The following PCDHA2 variants were observed in gnomAD, a reference collection of about 807,000 sequenced individuals.
PCDHA2 encodes the protein protocadherin alpha-2.
PCDHA2 carries 58 observed loss-of-function variants against 66.0 expected under a neutral mutation model. The observed-to-expected ratio is 0.88, with a 90% CI of 0.71 to 1.09. The LOEUF is 1.09. Ranked by LOEUF, PCDHA2 falls within the 50% of genes least tolerant of loss-of-function variation. PCDHA2 has a pLI of 0.00. For missense variants in PCDHA2, 1,267 were observed against 1,242.3 expected, an observed-to-expected ratio of 1.02 and a Z score of -0.30; for synonymous variants, 634 against 554.0, an observed-to-expected ratio of 1.14 and a Z score of -2.03.
chr5:140,858,033 C>T (rs1249815194), intron 1 of PCDHA2: 2 of 1,597,066 alleles, frequency 1.3e-6, no homozygotes, highest in Non-Finnish European at 1.7e-6. Context: ...ACGGCCACGG[C>T]CACTGTGCTT....
intron 1 of PCDHA2, chr5:140,836,467 A>C (rs1271601760): frequency 6.2e-7 from 1 of 1,613,688 alleles, no homozygotes; most frequent in Non-Finnish European, 8.5e-7. Context: ...GAGCTGGTGG[A>C]TGTCAACGTG....
At chr5:140,823,380 C>A (rs2150125210) in intron 1 of PCDHA2, 14 of 1,612,688 alleles carry the variant, frequency 8.7e-6, no homozygotes, top group South Asian at 5.5e-5. Context: ...TCCAGGTGAG[C>A]GCGCGCGACG....
intron 1 of PCDHA2, chr5:140,882,074 G>C (rs1276421996): frequency 1.1e-6 from 1 of 886,834 alleles, no homozygotes. Context: ...CATGCGCATG[G>C]TGTCGCTCTT....
intron 1 of PCDHA2, chr5:140,884,803 C>A: frequency 1.6e-6 from 2 of 1,225,132 alleles, no homozygotes; most frequent in Non-Finnish European, 2.2e-6. Context: ...AATTTAACAA[C>A]TCTGCTGTGG....
At chr5:140,834,079 C>T (rs1300614234) in intron 1 of PCDHA2, among the ~76,000 whole-genome samples, 1 of 152,142 alleles carries the variant, frequency 6.6e-6, no homozygotes, top group African/African-American at 2.4e-5. Context: ...GCTATTTTAA[C>T]CTTTAACAAC....
At chr5:140,849,684 C>T (rs2150445118) in intron 1 of PCDHA2, 9 of 1,598,608 alleles carry the variant, frequency 5.6e-6, no homozygotes, top group African/African-American at 2.7e-5. Context: ...CCCCTTCAAG[C>T]TGGTGTCCAC....
chr5:140,986,625 C>T (rs1312536887), intron 3 of PCDHA2, among the ~76,000 whole-genome samples: 2 of 152,122 alleles, frequency 1.3e-5, no homozygotes, highest in African/African-American at 4.8e-5. Flanking sequence ...TTACCTAAGG[C>T]AACAGTACAT....
chr5:140,829,809 C>T lies in PCDHA2; in HGVS notation c.2388+32457C>T, dbSNP rs139323547. The stretch of plus-strand genomic sequence containing the variant: ...CTGCTGGCGCCTCGGGTGGGTGGTA[C>T]TGGTGGTGCAGTGAGCGAGCTGGTG... On this transcript the variant is annotated intron_variant, in intron 1 of 3. Coordinates refer to ENST00000526136, the MANE Select transcript of PCDHA2 (RefSeq NM_018905.3). The T allele has an allele frequency of 1.0e-3, 1,632 of 1,613,854 alleles. 19 individuals are homozygous for T. The African/African-American group carries it at 0.019, about 19-fold the overall frequency.
At chr5:140,876,970 G>A in intron 1 of PCDHA2, 4 of 1,612,850 alleles carry the variant, frequency 2.5e-6, no homozygotes, top group Non-Finnish European at 3.4e-6. Flanking sequence ...GCGGCGGGTG[G>A]GCGAGCACGC....
chr5:140,961,793 A>G (rs1554225592), intron 1 of PCDHA2, among the ~76,000 whole-genome samples: 2 of 152,166 alleles, frequency 1.3e-5, no homozygotes, highest in Admixed American at 1.3e-4. Flanking sequence ...TTTTTAAAAG[A>G]TAGGAAATTG....
intron 1 of PCDHA2, chr5:140,816,711 T>C (rs2126674379): frequency 6.6e-6 from 1 of 152,182 alleles, no homozygotes; most frequent in African/African-American, 2.4e-5. Context: ...GGCTAGAGAT[T>C]CTAGGGACCT....
intron 1 of PCDHA2, chr5:140,807,164 A>C (rs1554123761): frequency 3.8e-6 from 6 of 1,595,068 alleles, no homozygotes. Flanking sequence ...ATATTTAATC[A>C]GAACAAAATA....
At chr5:140,819,237 C>G (rs1431831508) in intron 1 of PCDHA2, among the ~76,000 whole-genome samples, 3 of 152,128 alleles carry the variant, frequency 2.0e-5, no homozygotes, top group African/African-American at 7.2e-5. Context: ...ATTTCCTCTT[C>G]TCTGCAATCT....
At chr5:140,996,173 A>G (rs2097715399) in intron 3 of PCDHA2, among the ~76,000 whole-genome samples, 1 of 152,236 alleles carries the variant, frequency 6.6e-6, no homozygotes, top group Non-Finnish European at 1.5e-5. Flanking sequence ...ATGTGCTGAC[A>G]GCACCTCCAT....
chr5:140,911,941 T>C (rs1554195035), intron 1 of PCDHA2, among the ~76,000 whole-genome samples: 1 of 152,132 alleles, frequency 6.6e-6, no homozygotes, highest in Non-Finnish European at 1.5e-5. Flanking sequence ...TAGATGTATA[T>C]ATAAAGGGGA....
At position 140,796,871 on chromosome 5, in the gene PCDHA2, C is replaced by T. The variant is rs549520039; in HGVS notation, c.1907C>T (p.Ala636Val). ...ACGGGTGAGATCAGCACGACACGTG[C>T]CCTAGACGAGGCTGACTCCCCTCGA... ...LYTGEISTTR[A>V]LDEADSPRHR... The change falls in exon 1 of 4, where the codon GCC becomes GTC. Residue 636 changes from alanine to valine, a missense_variant. Coordinates refer to ENST00000526136, the MANE Select transcript of PCDHA2 (RefSeq NM_018905.3). 3.1e-6 allele frequency: 5 copies of T among 1,614,006 alleles called. No individual in the cohort carries two copies. The highest frequency in any genetic ancestry group is 2.7e-5 in the African/African-American group (2 of 75,052).
At chr5:140,856,152 A>T in intron 1 of PCDHA2, 1 of 1,598,182 alleles carries the variant, frequency 6.3e-7, no homozygotes, top group Non-Finnish European at 8.6e-7. Flanking sequence ...TACTCAGTCT[A>T]CGAGGAGGCC....
At chr5:140,885,274 AT>A (rs2153409165) in intron 1 of PCDHA2, among the ~76,000 whole-genome samples, 1 of 152,248 alleles carries the variant, frequency 6.6e-6, no homozygotes, top group South Asian at 2.1e-4. Context: ...ATACATATAT[AT>A]ATACATATAT....
At chr5:140,807,336 A>C (rs1554123887) in intron 1 of PCDHA2, 1 of 1,613,462 alleles carries the variant, frequency 6.2e-7, no homozygotes, top group Non-Finnish European at 8.5e-7. Flanking sequence ...CGCATCGCGC[A>C]GGACCTGGGA....
Sources: allele counts gnomAD v4.1 joint callset (sites outside exome capture counted in the v4.1 genomes callset), GRCh38; gene constraint gnomAD v4.1.1; transcripts MANE v1.5; gene names NCBI Gene and HGNC (gene_info 2026-07-23, HGNC 2026-07-21).